Variants in KLHL29 observed in about 807,000 individuals in gnomAD.
The protein encoded by KLHL29 is kelch like family member 29.
In KLHL29, 21 loss-of-function variants were observed where a neutral mutation model predicts 80.4. That is an observed-to-expected ratio of 0.26 (90% CI 0.19 to 0.38). The LOEUF is 0.38. KLHL29 is among the 10% of genes least tolerant of loss of function. The probability of loss-of-function intolerance (pLI) is 1.00; values close to 1 mark genes in which losing one functional copy is unlikely to be tolerated. For missense variants in KLHL29, 867 were observed against 1,223.9 expected (o/e 0.71, Z 4.35); for synonymous variants, 511 against 526.8 (o/e 0.97, Z 0.41).
chr2:23,525,730 C>G (rs1007627602), intron 2 of KLHL29, among the ~76,000 whole-genome samples: 40 of 54,676 alleles, frequency 7.3e-4, no homozygotes, highest in Middle Eastern at 7.0e-3. Flanking sequence ...GCCCCTGCCC[C>G]CCCCCCCCAC....
chr2:23,482,202 C>G (rs1393367873), intron 2 of KLHL29, among the ~76,000 whole-genome samples: 1 of 152,166 alleles, frequency 6.6e-6, no homozygotes, highest in Non-Finnish European at 1.5e-5. Context: ...TAGTGAATGG[C>G]GGGTGAGATG....
chr2:23,442,629 CTT>C (rs1473581411), intron 1 of KLHL29, among the ~76,000 whole-genome samples: 1 of 152,194 alleles, frequency 6.6e-6, no homozygotes, highest in Non-Finnish European at 1.5e-5. Flanking sequence ...AAGTGAGACT[CTT>C]GTTAGACTGC....
At chr2:23,449,859 T>C (rs1663820001) in intron 1 of KLHL29, among the ~76,000 whole-genome samples, 1 of 152,122 alleles carries the variant, frequency 6.6e-6, no homozygotes, top group African/African-American at 2.4e-5. Flanking sequence ...GAACCCTGCA[T>C]GTTAAATCTA....
intron 1 of KLHL29, among the ~76,000 whole-genome samples, chr2:23,440,069 C>A (rs1421968236): frequency 6.6e-6 from 1 of 151,786 alleles, no homozygotes; most frequent in African/African-American, 2.4e-5. Flanking sequence ...TATGTAATGG[C>A]CTTCTTTGTC....
At chr2:23,427,064 C>G (rs1558334257) in intron 1 of KLHL29, among the ~76,000 whole-genome samples, 2 of 152,090 alleles carry the variant, frequency 1.3e-5, no homozygotes, top group South Asian at 2.1e-4. Context: ...ATTTCATATC[C>G]CAGGTGACCG....
chr2:23,632,165 G>A (rs1340143530), intron 3 of KLHL29, among the ~76,000 whole-genome samples: 1 of 152,188 alleles, frequency 6.6e-6, no homozygotes, highest in Non-Finnish European at 1.5e-5. Flanking sequence ...AGCCCTCCCT[G>A]TGTGATCTTG....
Position 23,642,490 on chromosome 2 carries a change from G to A in KLHL29, c.580G>A (p.Gly194Arg). Residue 194 changes from glycine (G) to arginine (R), a missense_variant, in exon 5 of 14, where the codon GGG (glycine) becomes AGG (arginine). Gly to Arg is a moderately radical substitution (Grantham distance 125). Around this residue, in one of 2 missense-constraint regions of KLHL29, gnomAD observed 424 missense variants for 456.9 expected, o/e 0.93. Transcript: ENST00000486442. ...GVTPSLPPHV[G>R]PQLPLMPGHY... is the part of the protein sequence containing the mutation. ...GACCCCCTCACTGCCTCCCCACGTG[G>A]GGCCCCAGCTCCCGCTGATGCCAGG... The A allele has an allele frequency of 6.6e-7, 1 of 1,515,928 alleles. No individual in the cohort carries two copies. The highest frequency in any genetic ancestry group is 8.9e-7 in the Non-Finnish European group (1 of 1,125,866). 93.9% of individuals were successfully genotyped at this position (1,515,928 alleles called of 1,614,324 possible).
At chr2:23,577,204 C>A (rs1014690511) in intron 3 of KLHL29, among the ~76,000 whole-genome samples, 4 of 152,240 alleles carry the variant, frequency 2.6e-5, no homozygotes, top group African/African-American at 9.6e-5. Context: ...AATCCCAGCA[C>A]TTTGGGAGGC....
chr2:23,663,148 C>A (rs961812635), intron 5 of KLHL29, among the ~76,000 whole-genome samples: 1 of 152,220 alleles, frequency 6.6e-6, no homozygotes, highest in Admixed American at 6.5e-5. Context: ...CTCGCTACTC[C>A]CAGCCCCCAA....
intron 5 of KLHL29, among the ~76,000 whole-genome samples, chr2:23,659,977 C>T (rs1670359650): frequency 6.6e-6 from 1 of 152,098 alleles, no homozygotes; most frequent in African/African-American, 2.4e-5. Flanking sequence ...ACCTGTTGCT[C>T]AGGCCACCTG....
chr2:23,438,782 G>T (rs2103413284), intron 1 of KLHL29, among the ~76,000 whole-genome samples: 1 of 152,164 alleles, frequency 6.6e-6, no homozygotes, highest in East Asian at 1.9e-4. Context: ...TTTTTTGGTT[G>T]TGTCTTTGCC....
intron 1 of KLHL29, among the ~76,000 whole-genome samples, chr2:23,391,037 G>A (rs755827994): frequency 3.1e-4 from 47 of 152,136 alleles, no homozygotes; most frequent in Admixed American, 8.5e-4. Context: ...GTCTATACCC[G>A]TTAAACATCA....
chr2:23,396,333 A>G (rs1666451848), intron 1 of KLHL29, among the ~76,000 whole-genome samples: 1 of 152,194 alleles, frequency 6.6e-6, no homozygotes, highest in African/African-American at 2.4e-5. Context: ...CCACCCACAT[A>G]CATCCTGAGG....
chr2:23,579,611 G>A (rs541778205), intron 3 of KLHL29, among the ~76,000 whole-genome samples: 1 of 152,196 alleles, frequency 6.6e-6, no homozygotes, highest in African/African-American at 2.4e-5. Context: ...CACTGCCATA[G>A]TCCAGGCCCA....
At chr2:23,446,522 T>C (rs1188526828) in intron 1 of KLHL29, among the ~76,000 whole-genome samples, 1 of 152,228 alleles carries the variant, frequency 6.6e-6, no homozygotes, top group East Asian at 1.9e-4. Context: ...CTGTGGATAC[T>C]CTAAAAGCTC....
intron 1 of KLHL29, among the ~76,000 whole-genome samples, chr2:23,411,787 G>A (rs1450260844): frequency 1.3e-5 from 2 of 152,052 alleles, no homozygotes; most frequent in East Asian, 1.9e-4. Flanking sequence ...GGGTCTCCTC[G>A]GGCTCTTTTG....
Position 23,609,353 on chromosome 2 carries a change from A to C in KLHL29, c.286-29786A>C, listed in dbSNP as rs534394161. 2.0e-5 allele frequency among the ~76,000 whole-genome samples: 3 copies of C among 152,184 alleles called. No individual in the cohort carries two copies. In the South Asian group the frequency reaches 6.2e-4, roughly 32 times the overall value. On this transcript the variant is annotated intron_variant, in intron 3 of 13. Transcript: ENST00000486442. ...AATTCCCTGGAGACGCCTGGTGAAG[A>C]GTTGTAAGCTTGGTGCTTGTGAGGA...
chr2:23,418,847 C>T (rs1311631141), intron 1 of KLHL29, among the ~76,000 whole-genome samples: 2 of 152,148 alleles, frequency 1.3e-5, no homozygotes, highest in Non-Finnish European at 2.9e-5. Context: ...TGACTCACAG[C>T]ATGCACTTCG....
chr2:23,667,725 G>A (rs1670592695), intron 5 of KLHL29: 1 of 152,614 alleles, frequency 6.6e-6, no homozygotes, highest in Non-Finnish European at 1.5e-5. Context: ...TGAGTTCATG[G>A]ATAGTGCGTG....
Sources: allele counts gnomAD v4.1 joint callset (sites outside exome capture counted in the v4.1 genomes callset), GRCh38; gene constraint gnomAD v4.1.1; regional missense constraint gnomAD v4.1.1; transcripts MANE v1.5; gene names NCBI Gene and HGNC (gene_info 2026-07-23, HGNC 2026-07-21).